Variants in MAGEA11 observed in about 807,000 individuals in gnomAD.
The protein encoded by MAGEA11 is melanoma-associated antigen 11.
Under a neutral mutation model 8.4 loss-of-function variants are expected in MAGEA11, and 1 was observed. That is an observed-to-expected ratio of 0.12 (90% CI 0.04 to 0.57). MAGEA11 has a LOEUF of 0.57. MAGEA11 is among the 20% of genes least tolerant of loss of function. The pLI, the probability that MAGEA11 is intolerant of heterozygous loss-of-function variation, is 0.91. For missense variants in MAGEA11, 209 were observed against 317.3 expected (o/e 0.66, Z 2.59); for synonymous variants, 127 against 119.3 (o/e 1.06, Z -0.42).
intron 1 of MAGEA11, among the ~76,000 whole-genome samples, chrX:149,690,623 T>C (rs2090306271): frequency 8.9e-6 from 1 of 112,811 alleles, no homozygotes; most frequent in Non-Finnish European, 1.9e-5. Flanking sequence ...TACATTGCTA[T>C]TTTTAACTTA....
intron 1 of MAGEA11, among the ~76,000 whole-genome samples, chrX:149,712,512 G>A (rs1378493860): frequency 9.0e-6 from 1 of 111,644 alleles, no homozygotes; most frequent in East Asian, 2.8e-4. Context: ...CACATTAGGG[G>A]GTCAGAGAGA....
At chrX:149,702,305 C>A (rs1213970900) in intron 1 of MAGEA11, among the ~76,000 whole-genome samples, 1 of 111,093 alleles carries the variant, frequency 9.0e-6, no homozygotes, top group African/African-American at 3.3e-5. Context: ...TTATTTATTT[C>A]TCTCTTTAAT....
upstream of MAGEA11, among the ~76,000 whole-genome samples, chrX:149,688,657 C>CATATACATATACAT (rs2090296800): frequency 1.0e-5 from 1 of 98,800 alleles, no homozygotes; most frequent in African/African-American, 3.8e-5. Flanking sequence ...TACATATACA[C>CATATACATATACAT]ATACATATAC....
intron 1 of MAGEA11, chrX:149,689,105 AATGCCTCCC>A: frequency 1.6e-6 from 1 of 627,031 alleles, no homozygotes; most frequent in Non-Finnish European, 2.4e-6. Flanking sequence ...CCCAGCTCAG[AATGCCTCCC>A]ATGGTTTCTG....
At chrX:149,697,189 C>T (rs1371532674) in intron 1 of MAGEA11, among the ~76,000 whole-genome samples, 1 of 110,651 alleles carries the variant, frequency 9.0e-6, no homozygotes. Flanking sequence ...ACCCTGTGCC[C>T]TCTCCCTATT....
upstream of MAGEA11, among the ~76,000 whole-genome samples, chrX:149,709,052 C>T (rs1171808888): frequency 4.6e-5 from 5 of 109,398 alleles, no homozygotes; most frequent in Non-Finnish European, 9.5e-5. Context: ...TTTGGAAGGC[C>T]GAGACAGGTG....
intron 2 of MAGEA11, 139 bp from the exon 3 acceptor site, chrX:149,714,342 A>C: frequency 1.1e-6 from 1 of 935,440 alleles, no homozygotes; most frequent in South Asian, 2.8e-5. Flanking sequence ...CCCTGGCAGA[A>C]GTAAAGATGA....
intron 3 of MAGEA11, among the ~76,000 whole-genome samples, chrX:149,714,979 G>T (rs1388632541): frequency 8.9e-6 from 1 of 111,808 alleles, no homozygotes; most frequent in African/African-American, 3.3e-5. Context: ...GGTCAACAGA[G>T]GGAGGGTCCC....
At chrX:149,701,172 A>G (rs1418516810) in intron 1 of MAGEA11, among the ~76,000 whole-genome samples, 5 of 110,777 alleles carry the variant, frequency 4.5e-5, no homozygotes, top group Non-Finnish European at 9.5e-5. Flanking sequence ...ACTAGGTTAC[A>G]GTCCCACCAA....
chrX:149,697,304 A>G (rs1557360620), intron 1 of MAGEA11, among the ~76,000 whole-genome samples: 1 of 111,093 alleles, frequency 9.0e-6, no homozygotes, highest in East Asian at 2.8e-4. Flanking sequence ...GGCACCCTCC[A>G]TCATTACCGA....
upstream of MAGEA11, among the ~76,000 whole-genome samples, chrX:149,707,524 T>C (rs781985578): frequency 1.8e-5 from 2 of 112,418 alleles, no homozygotes; most frequent in African/African-American, 6.5e-5. Context: ...TGGATTAATA[T>C]GTAATGTACC....
At position 149,692,054 on chromosome X, in the gene MAGEA11, G is replaced by A. The variant is rs148988257; in HGVS notation, c.9+3070G>A. 8.3e-3 allele frequency among the ~76,000 whole-genome samples: 928 copies of A among 112,432 alleles called. 12 individuals are homozygous for A. Among genetic ancestry groups the A allele is most frequent in the African/African-American group, 0.028 (853 of 30,939 alleles). Reference sequence around the variant, plus strand: ...GCTTCACCAAAAGGGCATGAGGGCAGAACTTTTATGATGTGCATGCAGAAG... The same window carrying A: ...GCTTCACCAAAAGGGCATGAGGGCAAAACTTTTATGATGTGCATGCAGAAG... On this transcript the variant is annotated intron_variant, in intron 1 of 3. Transcript: ENST00000333104.
intron 1 of MAGEA11, among the ~76,000 whole-genome samples, chrX:149,689,159 A>T (rs1359760787): frequency 8.9e-6 from 1 of 112,097 alleles, no homozygotes; most frequent in Non-Finnish European, 1.9e-5. Context: ...GTGTCCTGTG[A>T]CTATAAAAGT....
chrX:149,704,065 A>G (rs782433163), intron 1 of MAGEA11, among the ~76,000 whole-genome samples: 9 of 112,448 alleles, frequency 8.0e-5, no homozygotes, highest in Non-Finnish European at 1.7e-4. Flanking sequence ...AGTGCCAGCC[A>G]TCTTCCACTG....
At position 149,717,187 on chromosome X, in the gene MAGEA11, A is replaced by G. The variant is rs1557362598; in HGVS notation, c.*411A>G. The G allele has an allele frequency of 8.2e-6, 1 of 121,520 alleles. No homozygotes were observed. The highest frequency in any genetic ancestry group is 3.2e-5 in the African/African-American group (1 of 31,116). The allele number at this position is 121,520 out of a possible 1,213,427, so 10.0% of individuals were successfully genotyped here. A position where few individuals can be genotyped will look rare whatever the true frequency, so the allele number is the denominator to read the frequency against. ...CATCTTGCTGTGATTTGCAATAGGT[A>G]TTTTCTTGGAGAATGTAAGAACTTA... is the stretch of plus-strand genomic sequence containing the variant. On this transcript the variant is annotated 3_prime_UTR_variant, in exon 5 of 5. Coordinates refer to ENST00000355220, the MANE Select transcript of MAGEA11 (RefSeq NM_005366.5).
chrX:149,691,887 T>C (rs1413220400), intron 1 of MAGEA11, among the ~76,000 whole-genome samples: 1 of 112,791 alleles, frequency 8.9e-6, no homozygotes, highest in Non-Finnish European at 1.9e-5. Flanking sequence ...CGCTCAGAGA[T>C]CAGTTATTTG....
At chrX:149,703,632 A>G (rs970551377) in intron 1 of MAGEA11, among the ~76,000 whole-genome samples, 7 of 112,653 alleles carry the variant, frequency 6.2e-5, no homozygotes, top group African/African-American at 1.9e-4. Flanking sequence ...AGAACAAGTT[A>G]TATCATGTCT....
chrX:149,711,767 C>T, upstream of MAGEA11: 2 of 745,354 alleles, frequency 2.7e-6, no homozygotes. Context: ...CCTCAGGGGA[C>T]TCAGAGTCAG....
At chrX:149,715,466 A>T in intron 3 of MAGEA11, 138 bp from the exon 4 acceptor site, 1 of 465,563 alleles carries the variant, frequency 2.1e-6, no homozygotes. Context: ...GTTCACCCTT[A>T]ATCTACAAAT....
Sources: allele counts gnomAD v4.1 joint callset (sites outside exome capture counted in the v4.1 genomes callset), GRCh38; gene constraint gnomAD v4.1.1; transcripts MANE v1.5; gene names NCBI Gene and HGNC (gene_info 2026-07-23, HGNC 2026-07-21).